TAFA5: variants seen among roughly 807,000 people sequenced by gnomAD.
TAFA5 encodes TAFA chemokine like family member 5.
In TAFA5, 6 loss-of-function variants were observed where a neutral mutation model predicts 15.3. That is an observed-to-expected ratio of 0.39 (90% CI 0.21 to 0.77). TAFA5 has a LOEUF of 0.77. Among genes scored for constraint, TAFA5 ranks in the 30% least tolerant of loss-of-function variants. TAFA5 has a pLI of 0.41. For missense variants in TAFA5, 161 were observed against 193.1 expected (o/e 0.83, Z 0.98); for synonymous variants, 103 against 80.7 (o/e 1.28, Z -1.48).
At chr22:48,667,387 G>C (rs919916786) in intron 2 of TAFA5, among the ~76,000 whole-genome samples, 17 of 152,222 alleles carry the variant, frequency 1.1e-4, no homozygotes, top group Non-Finnish European at 1.8e-4. Context: ...AGGGAGGAAA[G>C]ATTGGAAAAC....
intron 2 of TAFA5, among the ~76,000 whole-genome samples, chr22:48,695,562 G>C (rs1928683654): frequency 1.3e-5 from 2 of 152,220 alleles, no homozygotes; most frequent in African/African-American, 2.4e-5. Context: ...AGGCAAAGGA[G>C]CACCACTTGT....
rs1210005234 is a variant in TAFA5, at chr22:48,638,919, C to G, written c.113-7678C>G. ...CCCCCCCATCCCCCGACACTAAGCC[C>G]TGGGTCACCGCACACGGGGGGACCC... On this transcript the variant is annotated intron_variant, in intron 1 of 3. Coordinates refer to ENST00000402357, the MANE Select transcript of TAFA5 (RefSeq NM_001082967.3). Among the ~76,000 whole-genome samples the G allele has an allele frequency of 1.2e-3, 81 of 65,410 alleles. 9 individuals are homozygous for G. Among genetic ancestry groups the G allele is most frequent in the African/African-American group, 6.9e-3 (75 of 10,920 alleles). 42.9% of individuals were successfully genotyped at this position (65,410 alleles called of 152,430 possible). A position where few individuals can be genotyped will look rare whatever the true frequency, so the allele number is the denominator to read the frequency against.
chr22:48,496,267 CTG>C (rs1232793626), intron 1 of TAFA5, among the ~76,000 whole-genome samples: 1 of 151,916 alleles, frequency 6.6e-6, no homozygotes, highest in African/African-American at 2.4e-5. Flanking sequence ...GGGGGACTGA[CTG>C]TGGGCTCTCT....
At chr22:48,545,773 T>G (rs1922643041) in intron 1 of TAFA5, 1 of 152,556 alleles carries the variant, frequency 6.6e-6, no homozygotes, top group South Asian at 2.1e-4. Context: ...GATTGTCGCC[T>G]GGGCACCTGA....
intron 1 of TAFA5, among the ~76,000 whole-genome samples, chr22:48,626,967 C>T (rs115200729): frequency 0.012 from 1,786 of 152,278 alleles, 34 homozygotes; most frequent in African/African-American, 0.04. Flanking sequence ...GTGGGATTGC[C>T]GGTCTTGTGG....
At chr22:48,591,284 G>C (rs991009800) in intron 1 of TAFA5, among the ~76,000 whole-genome samples, 2 of 152,216 alleles carry the variant, frequency 1.3e-5, no homozygotes, top group Non-Finnish European at 2.9e-5. Context: ...GAAGCTTCCC[G>C]GTTCCTTAGT....
At chr22:48,714,417 C>T (rs193267037) in intron 3 of TAFA5, among the ~76,000 whole-genome samples, 1 of 152,312 alleles carries the variant, frequency 6.6e-6, no homozygotes, top group East Asian at 1.9e-4. Context: ...GGCCTCCTCC[C>T]AGCGCTGTAG....
chr22:48,656,938 T>G (rs1927273947), intron 2 of TAFA5, among the ~76,000 whole-genome samples: 1 of 151,988 alleles, frequency 6.6e-6, no homozygotes, highest in South Asian at 2.1e-4. Flanking sequence ...GCTATTTTTT[T>G]TCTTCTATTT....
At chr22:48,701,567 A>G (rs1056106118) in intron 2 of TAFA5, among the ~76,000 whole-genome samples, 5 of 152,220 alleles carry the variant, frequency 3.3e-5, no homozygotes. Flanking sequence ...CCTGTCACCC[A>G]AACAGCCACA....
chr22:48,602,628 A>G (rs1043724356), intron 1 of TAFA5, among the ~76,000 whole-genome samples: 1 of 152,196 alleles, frequency 6.6e-6, no homozygotes, highest in East Asian at 1.9e-4. Context: ...TGTAACATAT[A>G]TCGTATCCTG....
intron 2 of TAFA5, chr22:48,693,524 G>C: frequency 6.8e-7 from 1 of 1,470,934 alleles, no homozygotes; most frequent in Non-Finnish European, 9.2e-7. Context: ...AGCAGGTGAG[G>C]CCCGCAGGAG....
intron 2 of TAFA5, among the ~76,000 whole-genome samples, chr22:48,680,636 G>A (rs1444096333): frequency 6.6e-6 from 1 of 152,232 alleles, no homozygotes; most frequent in Non-Finnish European, 1.5e-5. Context: ...CCACGACTGG[G>A]CACTGACAGC....
chr22:48,499,595 A>AG (rs1423881814), intron 1 of TAFA5, among the ~76,000 whole-genome samples: 3 of 152,082 alleles, frequency 2.0e-5, no homozygotes, highest in African/African-American at 7.2e-5. Flanking sequence ...GGCCCTCCGC[A>AG]GGGGGGTGGC....
intron 1 of TAFA5, chr22:48,544,370 T>C (rs950654330): frequency 9.1e-6 from 3 of 328,128 alleles, no homozygotes; most frequent in African/African-American, 4.3e-5. Context: ...TGCCACTGGC[T>C]TGGGGGCAGT....
Position 48,750,801 on chromosome 22 carries a change from A to T in TAFA5, c.*954A>T, listed in dbSNP as rs1318212436. 1 of 152,678 alleles carries T rather than the reference A, an allele frequency of 6.5e-6. No homozygotes were observed. The highest frequency in any genetic ancestry group is 1.5e-5 in the Non-Finnish European group (1 of 68,066). The allele number at this position is 152,678 out of a possible 1,614,324, so 9.5% of individuals were successfully genotyped here. A position where few individuals can be genotyped will look rare whatever the true frequency, so the allele number is the denominator to read the frequency against. ...TAACACTTGTTTGAAAGAGATCATT[A>T]AATGTATTTTGCAAAGCCTAAAGTT... On this transcript the variant is annotated 3_prime_UTR_variant, in exon 4 of 4. Coordinates refer to ENST00000402357, the MANE Select transcript of TAFA5 (RefSeq NM_001082967.3).
intron 3 of TAFA5, among the ~76,000 whole-genome samples, chr22:48,722,545 T>C (rs949815264): frequency 9.3e-5 from 13 of 139,642 alleles, no homozygotes; most frequent in African/African-American, 3.6e-4. Flanking sequence ...CATCACACAC[T>C]GGGGCCTGTC....
At chr22:48,737,561 C>G (rs921652271) in intron 3 of TAFA5, among the ~76,000 whole-genome samples, 5 of 152,210 alleles carry the variant, frequency 3.3e-5, no homozygotes, top group African/African-American at 7.2e-5. Context: ...GCACACTGTG[C>G]TGGGTGAGCC....
chr22:48,647,852 G>A (rs1416709130), intron 2 of TAFA5, among the ~76,000 whole-genome samples: 2 of 152,134 alleles, frequency 1.3e-5, no homozygotes, highest in Admixed American at 6.5e-5. Flanking sequence ...AGGGTCCCCC[G>A]TGGGTGAGAT....
At position 48,720,399 on chromosome 22, in the gene TAFA5, C is replaced by T. The variant is rs77069706; in HGVS notation, c.390+12555C>T. ...GACCCAACATCTCAGGGACACCCCT[C>T]GAGAATCGCTGGAGGGGTCACTTTT... is the stretch of plus-strand genomic sequence containing the variant. On this transcript the variant is annotated intron_variant, in intron 3 of 3. Transcript: ENST00000402357. Among the ~76,000 whole-genome samples, 450 of 152,240 alleles carry T rather than the reference C, an allele frequency of 3.0e-3. 4 individuals are homozygous for T. The highest frequency in any genetic ancestry group is 0.01 in the African/African-American group (429 of 41,534).
Sources: allele counts gnomAD v4.1 joint callset (sites outside exome capture counted in the v4.1 genomes callset), GRCh38; gene constraint gnomAD v4.1.1; transcripts MANE v1.5; gene names NCBI Gene and HGNC (gene_info 2026-07-23, HGNC 2026-07-21).